OPCML: variants seen among roughly 807,000 people sequenced by gnomAD.
The protein encoded by OPCML is opioid binding protein/cell adhesion molecule like.
In OPCML, 13 loss-of-function variants were observed where a neutral mutation model predicts 37.8. The ratio of observed to expected loss-of-function variants is 0.34; its 90% CI spans 0.22 to 0.55. OPCML has a LOEUF of 0.55. OPCML is among the 20% of genes least tolerant of loss of function. The pLI is 0.91. For missense variants in OPCML, 341 were observed against 435.6 expected (o/e 0.78, Z 1.93); for synonymous variants, 176 against 168.8 (o/e 1.04, Z -0.33).
In OPCML at chr11:133,507,774, A is replaced by G. The variant is rs145890452; in HGVS notation, c.61+24490T>C. On this transcript the variant is annotated intron_variant, in intron 1 of 7. Transcript: ENST00000524381. ...AGCCTGGCCAACATGGTGAAACCCC[A>G]TATCTACTACAAAATTACAAAAGTT... Among the ~76,000 whole-genome samples the G allele has an allele frequency of 3.3e-4, 50 of 152,146 alleles. No individual in the cohort carries two copies. In the East Asian group the frequency reaches 9.3e-3, roughly 28 times the overall value.
At chr11:132,785,595 C>G (rs1388947178) in intron 2 of OPCML, among the ~76,000 whole-genome samples, 4 of 152,322 alleles carry the variant, frequency 2.6e-5, no homozygotes, top group Middle Eastern at 3.4e-3. Context: ...ACAACACAAA[C>G]TATCTACAGG....
At chr11:133,449,454 G>A (rs1200684426) in intron 1 of OPCML, among the ~76,000 whole-genome samples, 1 of 152,208 alleles carries the variant, frequency 6.6e-6, no homozygotes, top group African/African-American at 2.4e-5. Flanking sequence ...CTGGTATAGT[G>A]TAGTTTCTTA....
At chr11:132,958,584 A>C (rs767361356) in intron 1 of OPCML, among the ~76,000 whole-genome samples, 4 of 152,210 alleles carry the variant, frequency 2.6e-5, no homozygotes, top group Non-Finnish European at 4.4e-5. Context: ...GTCTGGCTTC[A>C]AAGCTTAAGG....
At chr11:133,233,127 A>T (rs984992822) in intron 1 of OPCML, among the ~76,000 whole-genome samples, 1 of 152,206 alleles carries the variant, frequency 6.6e-6, no homozygotes, top group African/African-American at 2.4e-5. Flanking sequence ...TTCCTAAAAG[A>T]TCAACAGCAA....
At chr11:132,429,640 G>C (rs898280438) in intron 7 of OPCML, among the ~76,000 whole-genome samples, 2 of 152,152 alleles carry the variant, frequency 1.3e-5, no homozygotes, top group African/African-American at 4.8e-5. Context: ...GAGAACTAAA[G>C]ACACAAATTC....
intron 4 of OPCML, among the ~76,000 whole-genome samples, chr11:132,470,617 T>C (rs1365923457): frequency 1.3e-5 from 2 of 152,122 alleles, no homozygotes; most frequent in Admixed American, 6.6e-5. Context: ...GCAGTAATAA[T>C]AGCAGCAGTG....
At chr11:132,727,057 C>T (rs969599507) in intron 2 of OPCML, among the ~76,000 whole-genome samples, 15 of 152,176 alleles carry the variant, frequency 9.9e-5, no homozygotes, top group Non-Finnish European at 8.8e-5. Flanking sequence ...CTTAGCACTA[C>T]GCTGATTGCT....
intron 1 of OPCML, among the ~76,000 whole-genome samples, chr11:133,246,371 T>A (rs1483910888): frequency 6.6e-6 from 1 of 152,148 alleles, no homozygotes. Flanking sequence ...AGAGACAGGG[T>A]TCTATGGAAA....
chr11:133,219,733 G>A lies in OPCML; in HGVS notation c.62-276723C>T, dbSNP rs556924316. ...TCATTTAACTCAGGGGTTCTCAAGC[G>A]GGGACAACTGTGCCCCCTGGAGGAC... On this transcript the variant is annotated intron_variant, in intron 1 of 7. Transcript: ENST00000524381. Among the ~76,000 whole-genome samples, 104 of 152,234 alleles carry A rather than the reference G, an allele frequency of 6.8e-4. No individual in the cohort carries two copies. The South Asian group carries it at 0.021, about 31-fold the overall frequency.
At chr11:133,169,194 A>C (rs997455476) in intron 1 of OPCML, among the ~76,000 whole-genome samples, 1 of 152,242 alleles carries the variant, frequency 6.6e-6, no homozygotes, top group African/African-American at 2.4e-5. Flanking sequence ...ACTGATAAAG[A>C]AACTGGGGCA....
chr11:132,541,242 CCT>C lies in OPCML; in HGVS notation c.380-12058_380-12057del, dbSNP rs140958496. On this transcript the variant is annotated intron_variant, in intron 3 of 7. Coordinates refer to ENST00000524381, the MANE Select transcript of OPCML (RefSeq NM_001012393.5). Reference sequence around the variant, plus strand: ...CGGCCTTCCTGGAGCGAGTTTCAGACCTCTCTCTTTCTCTACCTTCCTCTTTA... The same window carrying C: ...CGGCCTTCCTGGAGCGAGTTTCAGACCTCTCTTTCTCTACCTTCCTCTTTA... Among the ~76,000 whole-genome samples the C allele has an allele frequency of 5.6e-4, 85 of 152,240 alleles. 1 individual carries two copies. In the East Asian group the frequency reaches 0.015, roughly 26 times the overall value.
At chr11:132,604,665 C>G (rs746355768) in intron 3 of OPCML, among the ~76,000 whole-genome samples, 11 of 152,176 alleles carry the variant, frequency 7.2e-5, no homozygotes, top group Non-Finnish European at 1.5e-4. Flanking sequence ...TGTTTGAAGG[C>G]GCCAACATTC....
chr11:133,221,751 T>C (rs1361786022), intron 1 of OPCML, among the ~76,000 whole-genome samples: 1 of 152,154 alleles, frequency 6.6e-6, no homozygotes, highest in Admixed American at 6.6e-5. Context: ...CAGAAGGCTA[T>C]TTTTACACTT....
At chr11:132,865,507 CA>C (rs1438295642) in intron 2 of OPCML, among the ~76,000 whole-genome samples, 2 of 152,206 alleles carry the variant, frequency 1.3e-5, no homozygotes, top group Non-Finnish European at 2.9e-5. Context: ...TAGGCCTCAG[CA>C]TTAGCATTTA....
At chr11:133,210,054 G>A (rs1939288823) in intron 1 of OPCML, among the ~76,000 whole-genome samples, 1 of 152,154 alleles carries the variant, frequency 6.6e-6, no homozygotes, top group African/African-American at 2.4e-5. Context: ...CTCTCCGTAC[G>A]TGCTACCGCG....
In OPCML at chr11:132,943,845, G is replaced by A. The variant is rs543254670; in HGVS notation, c.62-835C>T. On this transcript the variant is annotated intron_variant, in intron 1 of 7. Transcript: ENST00000524381. The surrounding 1 kb of genome is among the most constrained non-coding windows in gnomAD (Gnocchi z 4.3). ...GGGACGCGGCACGAGACGCGGGGACGCGCGGACGCCACGCTCAGCGGCCGC... is the reference window on the plus strand; with the variant it reads ...GGGACGCGGCACGAGACGCGGGGACACGCGGACGCCACGCTCAGCGGCCGC... 1 of 150,818 alleles carries A rather than the reference G, an allele frequency of 6.6e-6. No individual in the cohort carries two copies. Among genetic ancestry groups the A allele is most frequent in the East Asian group, 1.9e-4 (1 of 5,130 alleles). The allele number at this position is 150,818 out of a possible 1,614,324, so 9.3% of individuals were successfully genotyped here. A position where few individuals can be genotyped will look rare whatever the true frequency, so the allele number is the denominator to read the frequency against.
intron 1 of OPCML, among the ~76,000 whole-genome samples, chr11:133,307,804 G>A (rs1008667579): frequency 6.6e-6 from 1 of 151,782 alleles, no homozygotes; most frequent in Non-Finnish European, 1.5e-5. Flanking sequence ...CTTGATCCAT[G>A]GTAGACAAGC....
intron 1 of OPCML, among the ~76,000 whole-genome samples, chr11:133,260,010 G>T (rs1170717574): frequency 2.6e-5 from 4 of 151,994 alleles, no homozygotes; most frequent in Admixed American, 2.0e-4. Context: ...TATGGGCATC[G>T]GTAACAAACC....
At chr11:132,959,351 T>C (rs1306520929) in intron 1 of OPCML, among the ~76,000 whole-genome samples, 1 of 152,364 alleles carries the variant, frequency 6.6e-6, no homozygotes. Flanking sequence ...TTTCTTGAGA[T>C]GGAAACTACC....
Sources: gnomAD v4.1 joint callset for allele counts (sites outside exome capture counted in the v4.1 genomes callset) on GRCh38, gnomAD v4.1.1 for gene constraint, Gnocchi (gnomAD v3.1) non-coding constraint, MANE v1.5 for transcripts, NCBI Gene and HGNC (gene_info 2026-07-23, HGNC 2026-07-21) for gene names.